The following BRAP variants were observed in gnomAD, a reference collection of about 807,000 sequenced individuals.
BRAP encodes BRCA1-associated protein.
BRAP carries 42 observed loss-of-function variants against 73.4 expected under a neutral mutation model. The observed-to-expected ratio is 0.57, with a 90% CI of 0.45 to 0.74. The LOEUF is 0.74. Among genes scored for constraint, BRAP ranks in the 30% least tolerant of loss-of-function variants. The pLI is 0.00. For synonymous variants in BRAP, 255 were observed against 267.4 expected (o/e 0.95, Z 0.45); for missense variants, 593 against 751.4 (o/e 0.79, Z 2.46).
intron 7 of BRAP, 142 bp downstream of exon 7, chr12:111,660,458 T>C: frequency 3.2e-6 from 2 of 620,990 alleles, no homozygotes; most frequent in Non-Finnish European, 4.6e-6. Flanking sequence ...GAGACCAGCC[T>C]GGGCAACACA....
chr12:111,644,398 G>A lies in BRAP; in HGVS notation c.1580C>T (p.Thr527Ile), dbSNP rs1288280515. 3 of 1,613,992 alleles carry A rather than the reference G, an allele frequency of 1.9e-6. No individual in the cohort carries two copies. In the Admixed American group the frequency reaches 5.0e-5, roughly 27 times the overall value. Reference sequence around the variant, plus strand: ...GTCACGCAGCTGCTCCTGGATCTCGGTGATCTGCAGATCTTTTTGGTCACA... The same window carrying A: ...GTCACGCAGCTGCTCCTGGATCTCGATGATCTGCAGATCTTTTTGGTCACA... ...ETCDQKDLQITEIQEQLRDVM... is the reference protein window; with the variant it reads ...ETCDQKDLQIIEIQEQLRDVM... The change falls in exon 12 of 12, where the codon ACC (threonine) becomes ATC (isoleucine). Residue 527 changes from threonine (T) to isoleucine (I), a missense_variant. Physicochemically the swap from Thr to Ile is moderately conservative, Grantham distance 89. Coordinates refer to ENST00000419234, the MANE Select transcript of BRAP (RefSeq NM_006768.5).
chr12:111,652,071 T>C (rs1886348209), intron 10 of BRAP, among the ~76,000 whole-genome samples: 1 of 152,244 alleles, frequency 6.6e-6, no homozygotes, highest in African/African-American at 2.4e-5. Flanking sequence ...TTTTGAAATT[T>C]TCTTCTAAAC....
intron 9 of BRAP, among the ~76,000 whole-genome samples, chr12:111,658,200 G>A (rs1886603771): frequency 6.6e-6 from 1 of 152,026 alleles, no homozygotes; most frequent in Admixed American, 6.6e-5. Flanking sequence ...AAAGTGCTGG[G>A]ATTACAGGGG....
chr12:111,669,915 T>C, intron 5 of BRAP: 1 of 642,198 alleles, frequency 1.6e-6, no homozygotes. Context: ...AGCTTCTGGT[T>C]ATCAAAAAAC....
intron 10 of BRAP, among the ~76,000 whole-genome samples, chr12:111,650,668 C>T (rs1348368798): frequency 2.6e-5 from 4 of 152,246 alleles, no homozygotes; most frequent in African/African-American, 9.6e-5. Context: ...GCTGGGATTA[C>T]AGGCATGAGC....
chr12:111,652,372 C>A (rs796578434), intron 10 of BRAP, among the ~76,000 whole-genome samples: 18 of 151,986 alleles, frequency 1.2e-4, no homozygotes, highest in African/African-American at 4.3e-4. Context: ...TATGGGCACC[C>A]GCTACCACGT....
chr12:111,665,727 G>A lies in BRAP; in HGVS notation c.808C>T (p.Arg270Cys), dbSNP rs1208386063. 3.3e-5 allele frequency: 53 copies of A among 1,614,118 alleles called. No individual in the cohort carries two copies. Among genetic ancestry groups the A allele is most frequent in the African/African-American group, 5.3e-5 (4 of 74,934 alleles). Residue 270 changes from arginine to cysteine, a missense_variant, in exon 6 of 12, where the codon CGC becomes TGC. Physicochemically the swap from Arg to Cys is radical, Grantham distance 180. Transcript: ENST00000419234. This position sits in a 1 kb window ranked among gnomAD's most constrained non-coding sequence, Gnocchi z 4.3. ...ELPKCTVCLE[R>C]MDESVNGILT... The stretch of plus-strand genomic sequence containing the variant: ...ATGCCATTCACAGACTCGTCCATGC[G>A]CTCCAGACACACCGTGCACTTGGGG...
intron 5 of BRAP, among the ~76,000 whole-genome samples, chr12:111,669,316 G>A (rs544798808): frequency 1.3e-5 from 2 of 151,232 alleles, no homozygotes; most frequent in South Asian, 4.2e-4. Flanking sequence ...CGCAACCTCT[G>A]CCTCCTGGGT....
intron 7 of BRAP, among the ~76,000 whole-genome samples, chr12:111,660,115 G>A (rs1886690968): frequency 6.6e-6 from 1 of 151,318 alleles, no homozygotes; most frequent in South Asian, 2.1e-4. Flanking sequence ...GTTTCTACAG[G>A]AGCCTGAGTG....
intron 5 of BRAP, among the ~76,000 whole-genome samples, chr12:111,671,218 T>C (rs191397355): frequency 1.2e-4 from 18 of 152,224 alleles, no homozygotes; most frequent in Non-Finnish European, 2.1e-4. Flanking sequence ...AAGGTTCCCA[T>C]GGGAGTGAAA....
intron 7 of BRAP, among the ~76,000 whole-genome samples, chr12:111,660,023 A>G (rs971153736): frequency 6.7e-6 from 1 of 149,812 alleles, no homozygotes; most frequent in Non-Finnish European, 1.5e-5. Context: ...ACAGTGAACT[A>G]TGATCATGCC....
intron 1 of BRAP, 24 bp from the exon 2 acceptor site, chr12:111,683,331 T>C (rs1387520234): frequency 5.7e-6 from 9 of 1,584,640 alleles, no homozygotes; most frequent in South Asian, 3.5e-5. Flanking sequence ...GAATGATTAA[T>C]ACAAGGTAAT....
intron 3 of BRAP, among the ~76,000 whole-genome samples, chr12:111,680,968 C>T (rs1208773468): frequency 6.6e-6 from 1 of 152,030 alleles, no homozygotes; most frequent in African/African-American, 2.4e-5. Flanking sequence ...GACTTCTTAG[C>T]AGCCTCTTCA....
At chr12:111,644,961 T>C (rs1163030805) in intron 11 of BRAP, among the ~76,000 whole-genome samples, 1 of 152,070 alleles carries the variant, frequency 6.6e-6, no homozygotes, top group East Asian at 1.9e-4. Flanking sequence ...TTCGGCATGT[T>C]GGCCAGGCTG....
At chr12:111,680,351 A>G (rs887443646) in intron 3 of BRAP, among the ~76,000 whole-genome samples, 17 of 152,102 alleles carry the variant, frequency 1.1e-4, no homozygotes, top group African/African-American at 4.1e-4. Context: ...TCCTCCCACA[A>G]TGCAATTTGT....
Position 111,665,692 on chromosome 12 carries a change from C to T in BRAP, c.843G>A (p.Thr281=), listed in dbSNP as rs757390039. 22 of 1,614,178 alleles carry T rather than the reference C, an allele frequency of 1.4e-5. No individual in the cohort carries two copies. Among genetic ancestry groups the T allele is most frequent in the Non-Finnish European group, 1.9e-5 (22 of 1,180,038 alleles). Residue 281 remains threonine, a synonymous_variant, in exon 6 of 12, where the codon ACG becomes ACA. Coordinates refer to ENST00000419234, the MANE Select transcript of BRAP (RefSeq NM_006768.5). This position sits in a 1 kb window ranked among gnomAD's most constrained non-coding sequence, Gnocchi z 4.3. ...GGCTGTGGAAGCTGTGGTTACATAA[C>T]GTTGTGAGGATGCCATTCACAGACT... ...MDESVNGILT[T]LCNHSFHSQC...
At chr12:111,663,346 G>A (rs1171580986) in intron 6 of BRAP, among the ~76,000 whole-genome samples, 6 of 152,052 alleles carry the variant, frequency 3.9e-5, no homozygotes, top group Admixed American at 2.0e-4. Flanking sequence ...CCAGCTACTC[G>A]GGAGGCTGAG....
chr12:111,650,645 G>A (rs1263013395), intron 10 of BRAP, among the ~76,000 whole-genome samples: 2 of 152,112 alleles, frequency 1.3e-5, no homozygotes, highest in Non-Finnish European at 2.9e-5. Context: ...GGCTTGCCTC[G>A]GCCTCCCAAA....
intron 10 of BRAP, among the ~76,000 whole-genome samples, chr12:111,653,239 G>T (rs2135899587): frequency 6.6e-6 from 1 of 152,176 alleles, no homozygotes; most frequent in African/African-American, 2.4e-5. Context: ...CCCACAGTAA[G>T]AAACACCCAT....
Sources: gnomAD v4.1 joint callset for allele counts (sites outside exome capture counted in the v4.1 genomes callset) on GRCh38, gnomAD v4.1.1 for gene constraint, Gnocchi (gnomAD v3.1) non-coding constraint, MANE v1.5 for transcripts, NCBI Gene and HGNC (gene_info 2026-07-23, HGNC 2026-07-21) for gene names.